The following CSMD3 variants were observed in gnomAD, a reference collection of about 807,000 sequenced individuals.
CSMD3 encodes the protein CUB and sushi domain-containing protein 3.
CSMD3 carries 177 observed loss-of-function variants against 435.2 expected under a neutral mutation model. The observed-to-expected ratio is 0.41, with a 90% CI of 0.36 to 0.46. The LOEUF (loss-of-function observed/expected upper bound fraction) is 0.46, where lower values mean the gene tolerates loss of function less well. Ranked by LOEUF, CSMD3 falls within the 20% of genes least tolerant of loss-of-function variation. CSMD3 has a pLI of 0.34. For synonymous variants in CSMD3, 1,656 were observed against 1,520.5 expected (o/e 1.09, Z -2.07); for missense variants, 4,265 against 4,504.6 (o/e 0.95, Z 1.52).
At chr8:112,378,174 A>AATGTGG (rs2131221226) in intron 38 of CSMD3, among the ~76,000 whole-genome samples, 1 of 152,200 alleles carries the variant, frequency 6.6e-6, no homozygotes, top group East Asian at 1.9e-4. Flanking sequence ...CACAAAAAAA[A>AATGTGG]ATGTGGAGAA....
intron 17 of CSMD3, among the ~76,000 whole-genome samples, chr8:112,657,213 C>A (rs1223839864): frequency 1.3e-5 from 2 of 151,950 alleles, no homozygotes; most frequent in Non-Finnish European, 2.9e-5. Flanking sequence ...CAGGCGTGTG[C>A]CACCACGCCT....
At chr8:113,409,484 G>A (rs548747999) in intron 1 of CSMD3, among the ~76,000 whole-genome samples, 3 of 152,200 alleles carry the variant, frequency 2.0e-5, no homozygotes, top group South Asian at 2.1e-4. Flanking sequence ...AAGGAGAGAC[G>A]CATTGTAAAC....
Position 112,470,223 on chromosome 8 carries a change from A to C in CSMD3, c.5395+2368T>G, listed in dbSNP as rs117632357. ...TTCATGCTTTAACTAAATAACACAA[A>C]TAATTGTTTTATTTTAACCATGCTA... On this transcript the variant is annotated intron_variant, in intron 32 of 70. Transcript: ENST00000297405. 9.9e-3 allele frequency among the ~76,000 whole-genome samples: 1,512 copies of C among 152,316 alleles called. 15 individuals are homozygous for C. Among genetic ancestry groups the C allele is most frequent in the South Asian group, 0.017 (81 of 4,832 alleles).
intron 13 of CSMD3, among the ~76,000 whole-genome samples, chr8:112,717,408 AAAC>A (rs1417025857): frequency 1.3e-5 from 2 of 151,164 alleles, no homozygotes; most frequent in Non-Finnish European, 3.0e-5. Flanking sequence ...TATTAAAAAG[AAAC>A]AACAATGCTG....
At chr8:112,230,733 A>G (rs1338451756) in intron 69 of CSMD3, among the ~76,000 whole-genome samples, 1 of 151,990 alleles carries the variant, frequency 6.6e-6, no homozygotes, top group Non-Finnish European at 1.5e-5. Flanking sequence ...AATCCCTTGA[A>G]CCTGGGAGGA....
chr8:112,790,963 A>C (rs1415241627), intron 13 of CSMD3, among the ~76,000 whole-genome samples: 2 of 152,128 alleles, frequency 1.3e-5, no homozygotes, highest in Non-Finnish European at 2.9e-5. Flanking sequence ...ACTCATATTT[A>C]AAGTATACAG....
rs1812428140 is a variant in CSMD3 at position 112,224,879 on chromosome 8, A to T, written c.11016T>A (p.Asn3672Lys). 3.7e-6 allele frequency: 6 copies of T among 1,613,912 alleles called. No individual in the cohort carries two copies. Among genetic ancestry groups the T allele is most frequent in the Admixed American group, 1.7e-5 (1 of 59,972 alleles). Residue 3672 changes from asparagine to lysine, a missense_variant, in exon 71 of 71, where the codon AAT (asparagine) becomes AAA (lysine). Around this residue, in one of 3 missense-constraint regions of CSMD3, gnomAD observed 3,255 missense variants for 3,380.2 expected, o/e 0.96. Coordinates refer to ENST00000297405, the MANE Select transcript of CSMD3 (RefSeq NM_198123.2). ...YTGCSVHENN[N>K]GQAAFENPMY... is the part of the protein sequence containing the mutation. ...TGGGATTTTCAAAAGCTGCTTGGCC[A>T]TTGTTATTTTCATGAACTGAACATC...
chr8:113,019,818 CT>C (rs1256637885), intron 5 of CSMD3, among the ~76,000 whole-genome samples: 1 of 152,008 alleles, frequency 6.6e-6, no homozygotes, highest in African/African-American at 2.4e-5. Flanking sequence ...ACAAGCATTG[CT>C]TTTATGTAAT....
intron 5 of CSMD3, among the ~76,000 whole-genome samples, chr8:113,083,993 A>C (rs989942922): frequency 6.6e-6 from 1 of 152,186 alleles, no homozygotes; most frequent in Admixed American, 6.5e-5. Context: ...ATAATAAAGG[A>C]AAATTTTAAA....
intron 63 of CSMD3, among the ~76,000 whole-genome samples, chr8:112,253,056 T>C (rs1563691530): frequency 6.6e-6 from 1 of 151,854 alleles, no homozygotes; most frequent in East Asian, 1.9e-4. Flanking sequence ...TAATATTTAC[T>C]AAAAAAACTC....
intron 13 of CSMD3, among the ~76,000 whole-genome samples, chr8:112,791,465 C>T (rs761717975): frequency 6.6e-6 from 1 of 151,922 alleles, no homozygotes; most frequent in Non-Finnish European, 1.5e-5. Context: ...TTAGCATTTT[C>T]TAGAATTTTA....
At chr8:112,578,833 T>C (rs1015487414) in intron 23 of CSMD3, among the ~76,000 whole-genome samples, 3 of 152,016 alleles carry the variant, frequency 2.0e-5, no homozygotes, top group Non-Finnish European at 4.4e-5. Context: ...TTTCTCCCAA[T>C]AAAATTTTAC....
At chr8:113,225,829 C>T (rs1254714928) in intron 3 of CSMD3, among the ~76,000 whole-genome samples, 3 of 151,328 alleles carry the variant, frequency 2.0e-5, no homozygotes, top group Non-Finnish European at 4.4e-5. Context: ...GTTCTATGTC[C>T]CCACCCAAAT....
chr8:112,284,466 C>A (rs910747205), intron 58 of CSMD3, among the ~76,000 whole-genome samples: 1 of 151,616 alleles, frequency 6.6e-6, no homozygotes, highest in African/African-American at 2.4e-5. Context: ...AAATGAATAT[C>A]ATTTCTCATG....
At chr8:113,107,413 A>G (rs2090511499) in intron 4 of CSMD3, among the ~76,000 whole-genome samples, 1 of 152,190 alleles carries the variant, frequency 6.6e-6, no homozygotes, top group Admixed American at 6.5e-5. Flanking sequence ...AGTCCCTTGA[A>G]TACTGTTATG....
At chr8:113,173,682 G>A (rs2092304536) in intron 4 of CSMD3, 40 bp downstream of exon 4, 1 of 1,460,316 alleles carries the variant, frequency 6.8e-7, no homozygotes, top group South Asian at 1.1e-5. Flanking sequence ...AAATACACTG[G>A]CTGATAACAA....
intron 13 of CSMD3, among the ~76,000 whole-genome samples, chr8:112,723,035 T>C (rs530127186): frequency 2.0e-5 from 3 of 149,264 alleles, no homozygotes; most frequent in South Asian, 4.2e-4. Context: ...TGTTGACAAG[T>C]AGCAAAAAAA....
At chr8:113,268,250 A>G (rs1417907191) in intron 3 of CSMD3, among the ~76,000 whole-genome samples, 1 of 151,938 alleles carries the variant, frequency 6.6e-6, no homozygotes, top group African/African-American at 2.4e-5. Context: ...TCCACAGAAC[A>G]CATATCTCAT....
intron 67 of CSMD3, among the ~76,000 whole-genome samples, chr8:112,235,406 C>A (rs1813476382): frequency 6.6e-6 from 1 of 151,382 alleles, no homozygotes; most frequent in Non-Finnish European, 1.5e-5. Context: ...AAACAAAAAA[C>A]AAAAACAAAA....
Sources: gnomAD v4.1 joint callset for allele counts (sites outside exome capture counted in the v4.1 genomes callset) on GRCh38, gnomAD v4.1.1 for gene constraint, gnomAD v4.1.1 regional missense constraint, MANE v1.5 for transcripts, NCBI Gene and HGNC (gene_info 2026-07-23, HGNC 2026-07-21) for gene names.